The following ENKUR variants were observed in gnomAD, a reference collection of about 807,000 sequenced individuals.
The protein encoded by ENKUR is enkurin, TRPC channel interacting protein.
Under a neutral mutation model 27.6 loss-of-function variants are expected in ENKUR, and 19 were observed. The ratio of observed to expected loss-of-function variants is 0.69; its 90% confidence interval spans 0.48 to 1.01. The LOEUF (loss-of-function observed/expected upper bound fraction) is 1.01. ENKUR is among the 50% of genes least tolerant of loss of function. ENKUR has a pLI of 0.00. For synonymous variants in ENKUR, 117 were observed against 96.9 expected (o/e 1.21, Z -1.22); for missense variants, 312 against 310.5 (o/e 1.00, Z -0.04).
intron 1 of ENKUR, among the ~76,000 whole-genome samples, chr10:25,006,433 A>G (rs1850316076): frequency 6.6e-6 from 1 of 151,952 alleles, no homozygotes; most frequent in Non-Finnish European, 1.5e-5. Flanking sequence ...TTTGGACAAT[A>G]TGACTTAGAG....
chr10:25,025,255 G>A, intron 2 of ENKUR: 1 of 1,614,152 alleles, frequency 6.2e-7, no homozygotes, highest in Non-Finnish European at 8.5e-7. Flanking sequence ...TATCATGCAG[G>A]CTTTAAAGAT....
chr10:24,991,447 C>T (rs778146230), intron 3 of ENKUR, among the ~76,000 whole-genome samples: 1 of 151,410 alleles, frequency 6.6e-6, no homozygotes, highest in Non-Finnish European at 1.5e-5. Flanking sequence ...GGCTGGACGT[C>T]GAGAGGAACA....
intron 2 of ENKUR, among the ~76,000 whole-genome samples, chr10:25,021,331 T>C (rs997834983): frequency 6.6e-6 from 1 of 152,210 alleles, no homozygotes; most frequent in African/African-American, 2.4e-5. Flanking sequence ...TTATTACATA[T>C]GAATATATAG....
intron 2 of ENKUR, among the ~76,000 whole-genome samples, chr10:25,022,336 G>T (rs940287020): frequency 6.6e-6 from 1 of 152,146 alleles, no homozygotes; most frequent in Non-Finnish European, 1.5e-5. Context: ...CCTGGGGTCT[G>T]GAAATTGAGT....
At chr10:25,002,087 C>T (rs1388513480) in intron 1 of ENKUR, among the ~76,000 whole-genome samples, 1 of 151,998 alleles carries the variant, frequency 6.6e-6, no homozygotes, top group Non-Finnish European at 1.5e-5. Context: ...AGGGTAATTC[C>T]ACAAGTGCTT....
intron 1 of ENKUR, among the ~76,000 whole-genome samples, chr10:25,014,260 G>A (rs1850514445): frequency 6.6e-6 from 1 of 152,130 alleles, no homozygotes; most frequent in Non-Finnish European, 1.5e-5. Flanking sequence ...GAGATCAAAA[G>A]CCAGGCAGTT....
intron 3 of ENKUR, among the ~76,000 whole-genome samples, chr10:24,991,739 A>T (rs1015032577): frequency 1.1e-4 from 17 of 152,216 alleles, no homozygotes; most frequent in Non-Finnish European, 2.2e-4. Flanking sequence ...ATACCAAGGC[A>T]AGACTCCTGG....
At chr10:25,027,767 G>T (rs554990126) in intron 2 of ENKUR, among the ~76,000 whole-genome samples, 3 of 151,714 alleles carry the variant, frequency 2.0e-5, no homozygotes, top group Non-Finnish European at 4.4e-5. Flanking sequence ...TGTAGTCCCA[G>T]CTACCCATGA....
At chr10:24,984,513 T>G (rs1588643446) in intron 5 of ENKUR, 137 bp from the exon 6 acceptor site, 1 of 1,222,388 alleles carries the variant, frequency 8.2e-7, no homozygotes, top group East Asian at 2.6e-5. Context: ...ATTCTCAAAT[T>G]TAATAGTTTA....
At chr10:25,049,835 G>A (rs11014362) in intron 2 of ENKUR, among the ~76,000 whole-genome samples, 2 of 149,282 alleles carry the variant, frequency 1.3e-5, no homozygotes, top group African/African-American at 2.5e-5. Context: ...AAAAAAAAGA[G>A]TTAAGAGTTT....
In ENKUR at chr10:24,984,059, G is replaced by C. The variant is rs1279029410; in HGVS notation, c.*311C>G. ...AAAATAAGAGTATCGAGGTTGGTAT[G>C]CTAGAAAGGAGGCTATTCTCCTTAA... is the stretch of plus-strand genomic sequence containing the variant. On this transcript the variant is annotated 3_prime_UTR_variant, in exon 6 of 6. Coordinates refer to ENST00000331161, the MANE Select transcript of ENKUR (RefSeq NM_145010.4). 6.5e-6 allele frequency: 2 copies of C among 306,814 alleles called. No individual in the cohort carries two copies. The highest frequency in any genetic ancestry group is 1.2e-5 in the Non-Finnish European group (2 of 169,078). 19.0% of individuals were successfully genotyped at this position (306,814 alleles called of 1,614,324 possible). A position where few individuals can be genotyped will look rare whatever the true frequency, so the allele number is the denominator to read the frequency against.
intron 2 of ENKUR, among the ~76,000 whole-genome samples, chr10:25,046,441 A>G (rs143811179): frequency 3.9e-5 from 6 of 152,280 alleles, no homozygotes; most frequent in African/African-American, 1.4e-4. Flanking sequence ...TGCATCTGAT[A>G]ATCTCTACAA....
chr10:25,031,970 A>T (rs1156930291), intron 2 of ENKUR, among the ~76,000 whole-genome samples: 1 of 152,086 alleles, frequency 6.6e-6, no homozygotes. Flanking sequence ...CACTGTGGCC[A>T]GCTAAGGAAT....
intron 2 of ENKUR, among the ~76,000 whole-genome samples, chr10:25,043,671 A>G (rs75129354): frequency 0.017 from 2,582 of 152,180 alleles, 64 homozygotes; most frequent in African/African-American, 0.059. Context: ...ATTTTTTCAA[A>G]TAATTTTTCT....
chr10:25,044,685 C>A (rs1025668401), intron 2 of ENKUR, among the ~76,000 whole-genome samples: 1 of 152,222 alleles, frequency 6.6e-6, no homozygotes, highest in African/African-American at 2.4e-5. Flanking sequence ...GCATGAGCCA[C>A]CATGCTCTGT....
intron 1 of ENKUR, among the ~76,000 whole-genome samples, chr10:25,013,940 C>A (rs1850507882): frequency 7.0e-6 from 1 of 143,704 alleles, no homozygotes; most frequent in Admixed American, 7.2e-5. Context: ...GAAACTCCGT[C>A]TTGAAAAAAA....
chr10:25,034,760 AT>A (rs1346000625), intron 2 of ENKUR, among the ~76,000 whole-genome samples: 1 of 152,098 alleles, frequency 6.6e-6, no homozygotes, highest in African/African-American at 2.4e-5. Context: ...ATTACAGCTT[AT>A]TTTTTCACAG....
intron 4 of ENKUR, among the ~76,000 whole-genome samples, chr10:24,987,580 C>CT (rs2132667391): frequency 6.6e-6 from 1 of 152,330 alleles, no homozygotes; most frequent in African/African-American, 2.4e-5. Context: ...CAGAGCAAGA[C>CT]TGTCTCAAAT....
At chr10:24,997,264 C>G (rs1468724100) in intron 2 of ENKUR, among the ~76,000 whole-genome samples, 1 of 151,894 alleles carries the variant, frequency 6.6e-6, no homozygotes, top group African/African-American at 2.4e-5. Flanking sequence ...AAAAGAAAAG[C>G]AAAAATCAAC....
Sources: gnomAD v4.1 joint callset for allele counts (sites outside exome capture counted in the v4.1 genomes callset) on GRCh38, gnomAD v4.1.1 for gene constraint, MANE v1.5 for transcripts, NCBI Gene and HGNC (gene_info 2026-07-23, HGNC 2026-07-21) for gene names.